The following SPDYE6 variants were observed in gnomAD, a reference collection of about 807,000 sequenced individuals.
The protein encoded by SPDYE6 is speedy protein E6.
For missense variants in SPDYE6, 8 were observed against 297.9 expected, an observed-to-expected ratio of 0.03 and a Z score of 7.16; for synonymous variants, 2 against 103.0, an observed-to-expected ratio of 0.02 and a Z score of 5.94.
At chr7:102,355,539 C>CTTT (rs781801543) in intron 1 of SPDYE6, among the ~76,000 whole-genome samples, 7 of 604 alleles carry the variant, frequency 0.012, no homozygotes, top group African/African-American at 0.029. Context: ...CCCTTCTTTT[C>CTTT]TTTTTTTTTT....
In SPDYE6 at chr7:102,345,874, C is replaced by G. The variant is rs1235208670; in HGVS notation, c.*1393G>C. 6.6e-6 allele frequency among the ~76,000 whole-genome samples: 1 copy of G among 152,172 alleles called. No individual in the cohort carries two copies. On this transcript the variant is annotated 3_prime_UTR_variant, in exon 8 of 8. Coordinates refer to ENST00000563237, the MANE Select transcript of SPDYE6 (RefSeq NM_001146210.4). ...CATTCTCTTTAAAGTAATATACAAA[C>G]ATGCCAAAACAAGGTAAAAAATTAC... is the stretch of plus-strand genomic sequence containing the variant.
At position 102,354,030 on chromosome 7, in the gene SPDYE6, CTTTTTTTT is replaced by C. The variant is rs1258255416; in HGVS notation, c.380-650_380-643del. The stretch of plus-strand genomic sequence containing the variant: ...TTCCTGACTTCTGGGCCCTTCCTTC[CTTTTTTTT>C]TTTTTTTTTGAGACAGCGTCTCACT... On this transcript the variant is annotated intron_variant, in intron 2 of 7. Transcript: ENST00000563237. Among the ~76,000 whole-genome samples, 7 of 32,418 alleles carry C rather than the reference CTTTTTTTT, an allele frequency of 2.2e-4. 2 individuals carry two copies. Among genetic ancestry groups the C allele is most frequent in the East Asian group, 7.6e-4 (1 of 1,312 alleles). The allele number at this position is 32,418 out of a possible 152,430, so 21.3% of individuals were successfully genotyped here.
rs1794487167 is a variant in SPDYE6 at position 102,345,848 on chromosome 7, A to G, written c.*1419T>C. 6.6e-6 allele frequency among the ~76,000 whole-genome samples: 1 copy of G among 152,202 alleles called. No homozygotes were observed. The stretch of plus-strand genomic sequence containing the variant: ...CAGCTCATGTCCTCCTTTAGAACAC[A>G]CATTCTCTTTAAAGTAATATACAAA... On this transcript the variant is annotated 3_prime_UTR_variant, in exon 8 of 8. Transcript: ENST00000563237.
At chr7:102,353,577 G>A (rs1450638418) in intron 2 of SPDYE6, among the ~76,000 whole-genome samples, 189 bp from the exon 3 acceptor site, 1,134 of 128,898 alleles carry the variant, frequency 8.8e-3, no homozygotes, top group African/African-American at 0.035. Context: ...CCATTCTCCC[G>A]TTTTTCTGTC....
chr7:102,345,775 T>A lies in SPDYE6; in HGVS notation c.*1492A>T, dbSNP rs1794486174. ...TGTGAAGGTGAGAAAAGTTCATTTT[T>A]ATTATGTTTCCCCAAGAGACCCACT... On this transcript the variant is annotated 3_prime_UTR_variant, in exon 8 of 8. Coordinates refer to ENST00000563237, the MANE Select transcript of SPDYE6 (RefSeq NM_001146210.4). Among the ~76,000 whole-genome samples the A allele has an allele frequency of 6.6e-6, 1 of 152,158 alleles. No homozygotes were observed. The highest frequency in any genetic ancestry group is 1.5e-5 in the Non-Finnish European group (1 of 68,032).
intron 3 of SPDYE6, among the ~76,000 whole-genome samples, chr7:102,352,423 G>T (rs1283620832): frequency 4.8e-4 from 69 of 142,692 alleles, no homozygotes; most frequent in South Asian, 1.4e-3. Context: ...AGTCATAAAG[G>T]AATTCCCATC....
chr7:102,353,655 T>TTTTTTTG (rs368227936), intron 2 of SPDYE6, among the ~76,000 whole-genome samples: 2 of 148,212 alleles, frequency 1.3e-5, no homozygotes, highest in African/African-American at 5.1e-5. Flanking sequence ...TTTTTTTTTT[T>TTTTTTTG]TCGTTGTTGT....
chr7:102,354,523 TC>T (rs1794624172), intron 2 of SPDYE6, among the ~76,000 whole-genome samples, 179 bp downstream of exon 2: 1 of 35,480 alleles, frequency 2.8e-5, no homozygotes, highest in Non-Finnish European at 5.9e-5. Flanking sequence ...CTTTATCAAG[TC>T]TAGCCTAGTC....
In SPDYE6 at chr7:102,345,873, A is replaced by G. The variant is rs2133077914; in HGVS notation, c.*1394T>C. 6.6e-6 allele frequency among the ~76,000 whole-genome samples: 1 copy of G among 152,292 alleles called. No individual in the cohort carries two copies. Among genetic ancestry groups the G allele is most frequent in the East Asian group, 1.9e-4 (1 of 5,186 alleles). ...ACATTCTCTTTAAAGTAATATACAA[A>G]CATGCCAAAACAAGGTAAAAAATTA... On this transcript the variant is annotated 3_prime_UTR_variant, in exon 8 of 8. Coordinates refer to ENST00000563237, the MANE Select transcript of SPDYE6 (RefSeq NM_001146210.4).
In SPDYE6 at chr7:102,346,357, C is replaced by T. The variant is rs1349574380; in HGVS notation, c.*910G>A. 6.7e-5 allele frequency among the ~76,000 whole-genome samples: 10 copies of T among 148,206 alleles called. No individual in the cohort carries two copies. The highest frequency in any genetic ancestry group is 9.8e-5 in the African/African-American group (4 of 40,986). On this transcript the variant is annotated 3_prime_UTR_variant, in exon 8 of 8. Coordinates refer to ENST00000563237, the MANE Select transcript of SPDYE6 (RefSeq NM_001146210.4). ...AATAAAATAGATAGTATATATTAGA[C>T]GTGTTAGTATATATATCTGAGACAT...
rs1794488137 is a variant in SPDYE6, at chr7:102,345,945, A to C, written c.*1322T>G. 6.6e-6 allele frequency among the ~76,000 whole-genome samples: 1 copy of C among 152,054 alleles called. No homozygotes were observed. The highest frequency in any genetic ancestry group is 6.6e-5 in the Admixed American group (1 of 15,266). On this transcript the variant is annotated 3_prime_UTR_variant, in exon 8 of 8. Coordinates refer to ENST00000563237, the MANE Select transcript of SPDYE6 (RefSeq NM_001146210.4). ...AACATATATGAAATATCAAATAAAA[A>C]TTTATTTTTACAAGAATTTAGGGGA...
rs1445707749 is a variant in SPDYE6, at chr7:102,346,254, A to C, written c.*1013T>G. On this transcript the variant is annotated 3_prime_UTR_variant, in exon 8 of 8. Transcript: ENST00000563237. ...TAATGTAAAAATAATATTTAAATAA[A>C]TAAATATATTTAATAAATATTTAAA... 6.8e-6 allele frequency among the ~76,000 whole-genome samples: 1 copy of C among 148,106 alleles called. No individual in the cohort carries two copies. Among genetic ancestry groups the C allele is most frequent in the Non-Finnish European group, 1.5e-5 (1 of 67,154 alleles).
intron 2 of SPDYE6, among the ~76,000 whole-genome samples, chr7:102,353,639 T>C (rs1794607742): frequency 8.3e-5 from 2 of 24,234 alleles, no homozygotes; most frequent in Admixed American, 5.6e-4. Context: ...CTGAGTCCCT[T>C]TTTTTTTTTT....
In SPDYE6 at chr7:102,346,101, C is replaced by A. The variant is rs1234774382; in HGVS notation, c.*1166G>T. Among the ~76,000 whole-genome samples, 5 of 151,246 alleles carry A rather than the reference C, an allele frequency of 3.3e-5. No individual in the cohort carries two copies. The highest frequency in any genetic ancestry group is 1.2e-4 in the African/African-American group (5 of 41,266). ...GTAAAAGATTTAGGATGAAAAGAAT[C>A]CTCTCTTAAAAAGGAAAACAAAATT... On this transcript the variant is annotated 3_prime_UTR_variant, in exon 8 of 8. Coordinates refer to ENST00000563237, the MANE Select transcript of SPDYE6 (RefSeq NM_001146210.4).
At position 102,346,587 on chromosome 7, in the gene SPDYE6, A is replaced by G. The variant is rs1238478394; in HGVS notation, c.*680T>C. 9.9e-5 allele frequency among the ~76,000 whole-genome samples: 15 copies of G among 151,852 alleles called. No individual in the cohort carries two copies. The highest frequency in any genetic ancestry group is 3.4e-4 in the African/African-American group (14 of 41,518). ...ATACAGAAACAAATTTAAAGATAAT[A>G]AAATATTTAGGATAAAAGAATTGTC... On this transcript the variant is annotated 3_prime_UTR_variant, in exon 8 of 8. Transcript: ENST00000563237.
chr7:102,346,541 G>C lies in SPDYE6; in HGVS notation c.*726C>G, dbSNP rs1374411984. On this transcript the variant is annotated 3_prime_UTR_variant, in exon 8 of 8. Coordinates refer to ENST00000563237, the MANE Select transcript of SPDYE6 (RefSeq NM_001146210.4). ...AGTATCATAGATAAAAAGAGTGCTC[G>C]CTTCAGGAGCACATATAATAATACA... Among the ~76,000 whole-genome samples, 1 of 151,294 alleles carries C rather than the reference G, an allele frequency of 6.6e-6. No individual in the cohort carries two copies. Among genetic ancestry groups the C allele is most frequent in the African/African-American group, 2.4e-5 (1 of 41,308 alleles).
chr7:102,353,644 T>C (rs1342597613), intron 2 of SPDYE6, among the ~76,000 whole-genome samples: 530 of 75,640 alleles, frequency 7.0e-3, no homozygotes, highest in African/African-American at 0.016. Context: ...TCCCTTTTTT[T>C]TTTTTTTTTT....
intron 2 of SPDYE6, among the ~76,000 whole-genome samples, chr7:102,353,689 A>C (rs1228385639): frequency 6.6e-6 from 1 of 151,518 alleles, no homozygotes; most frequent in African/African-American, 2.4e-5. Context: ...GTTGAGAAAC[A>C]GTCTTGCTTT....
rs1243342715 is a variant in SPDYE6, at chr7:102,351,554, C to T, written c.669+512G>A. 4.7e-5 allele frequency among the ~76,000 whole-genome samples: 3 copies of T among 64,226 alleles called. 1 individual carries two copies. Among genetic ancestry groups the T allele is most frequent in the Non-Finnish European group, 9.2e-5 (3 of 32,716 alleles). 42.1% of individuals were successfully genotyped at this position (64,226 alleles called of 152,430 possible). A position where few individuals can be genotyped will look rare whatever the true frequency, so the allele number is the denominator to read the frequency against. Reference sequence around the variant, plus strand: ...TGCCACTGCACTCCATCCTGGGGAGCAGAGCTAGACTCTGTCTCACAAAAA... The same window carrying T: ...TGCCACTGCACTCCATCCTGGGGAGTAGAGCTAGACTCTGTCTCACAAAAA... On this transcript the variant is annotated intron_variant, in intron 4 of 7. Coordinates refer to ENST00000563237, the MANE Select transcript of SPDYE6 (RefSeq NM_001146210.4).
Sources: allele counts gnomAD v4.1 joint callset (sites outside exome capture counted in the v4.1 genomes callset), GRCh38; gene constraint gnomAD v4.1.1; transcripts MANE v1.5; gene names NCBI Gene and HGNC (gene_info 2026-07-23, HGNC 2026-07-21).